ZFPM1: variants seen among roughly 807,000 people sequenced by gnomAD.
ZFPM1 encodes the protein zinc finger protein, FOG family member 1.
A neutral mutation model predicts 46.3 loss-of-function variants in ZFPM1; 28 were observed. That is an observed-to-expected ratio of 0.60 (90% confidence interval 0.45 to 0.83). The LOEUF (loss-of-function observed/expected upper bound fraction) is 0.83, where lower values mean the gene tolerates loss of function less well. Among genes scored for constraint, ZFPM1 ranks in the 40% least tolerant of loss-of-function variants. The probability of loss-of-function intolerance (pLI) is 0.00; values close to 1 mark genes in which losing one functional copy is unlikely to be tolerated. For synonymous variants in ZFPM1, 957 were observed against 675.9 expected, an observed-to-expected ratio of 1.42 and a Z score of -6.45; for missense variants, 1,878 against 1,432.4, an observed-to-expected ratio of 1.31 and a Z score of -5.02.
In ZFPM1 at chr16:88,534,033, T is replaced by A; in HGVS notation, c.2075T>A (p.Phe692Tyr). 7.6e-7 allele frequency: 1 copy of A among 1,317,876 alleles called. No individual in the cohort carries two copies. Among genetic ancestry groups the A allele is most frequent in the Non-Finnish European group, 9.8e-7 (1 of 1,018,320 alleles). The allele number at this position is 1,317,876 out of a possible 1,614,324, so 81.6% of individuals were successfully genotyped here. Residue 692 changes from phenylalanine (F) to tyrosine (Y), a missense_variant, in exon 10 of 10, where the codon TTC becomes TAC. Phe to Tyr is a conservative substitution (Grantham distance 22). Coordinates refer to ENST00000319555, the MANE Select transcript of ZFPM1 (RefSeq NM_153813.3). Reference sequence around the variant, plus strand: ...CTGTGCGAGGCCTGCAACATCCGCTTCAGCCGCCACGAGACCTACACCGTG... The same window carrying A: ...CTGTGCGAGGCCTGCAACATCCGCTACAGCCGCCACGAGACCTACACCGTG... ...RTLCEACNIR[F>Y]SRHETYTVHK... is the part of the protein sequence containing the mutation.
intron 3 of ZFPM1, among the ~76,000 whole-genome samples, chr16:88,493,108 TGTCCCGGGGTGG>T (rs1390357578): frequency 9.9e-6 from 1 of 100,520 alleles, no homozygotes; most frequent in African/African-American, 3.5e-5. Context: ...TGCGGGGAGC[TGTCCCGGGGTGG>T]GGGGAGCTGT....
rs559258318 is a variant in ZFPM1 at position 88,506,487 on chromosome 16, G to A, written c.269-7900G>A. The stretch of plus-strand genomic sequence containing the variant: ...GCACACAATAACACAGAATAATCCA[G>A]AAAGGACTGAATGGGGGCGGGCGGG... On this transcript the variant is annotated intron_variant, in intron 3 of 9. Coordinates refer to ENST00000319555, the MANE Select transcript of ZFPM1 (RefSeq NM_153813.3). 4.0e-5 allele frequency among the ~76,000 whole-genome samples: 5 copies of A among 124,102 alleles called. No homozygotes were observed. The East Asian group carries it at 1.4e-3, about 36-fold the overall frequency. The allele number at this position is 124,102 out of a possible 152,430, so 81.4% of individuals were successfully genotyped here.
chr16:88,533,607 T>C lies in ZFPM1; in HGVS notation c.1649T>C (p.Val550Ala). 1 of 1,487,544 alleles carries C rather than the reference T, an allele frequency of 6.7e-7. No individual in the cohort carries two copies. Among genetic ancestry groups the C allele is most frequent in the Non-Finnish European group, 8.9e-7 (1 of 1,118,162 alleles). The allele number at this position is 1,487,544 out of a possible 1,614,324, so 92.1% of individuals were successfully genotyped here. ...SEILAKMSEL[V>A]HSRLQQGAGA... The stretch of plus-strand genomic sequence containing the variant: ...ATCCTGGCCAAGATGTCCGAGCTGG[T>C]GCACAGCCGGCTGCAGCAGGGCGCG... Residue 550 changes from valine (V) to alanine (A), a missense_variant, in exon 10 of 10, where the codon GTG becomes GCG. Physicochemically the swap from Val to Ala is moderately conservative, Grantham distance 64. Transcript: ENST00000319555.
In ZFPM1 at chr16:88,535,722, G is replaced by A. The variant is rs1913221540; in HGVS notation, c.*743G>A. The A allele has an allele frequency of 6.6e-6, 1 of 152,424 alleles. No homozygotes were observed. The highest frequency in any genetic ancestry group is 6.5e-5 in the Admixed American group (1 of 15,284). The allele number at this position is 152,424 out of a possible 1,614,324, so 9.4% of individuals were successfully genotyped here. A position where few individuals can be genotyped will look rare whatever the true frequency, so the allele number is the denominator to read the frequency against. On this transcript the variant is annotated 3_prime_UTR_variant, in exon 10 of 10. Transcript: ENST00000319555. The stretch of plus-strand genomic sequence containing the variant: ...GGTGCATCTCTCCCTCAGAGCCAGG[G>A]CTGAGGACAACCGTGTGGTGGAGTC...
intron 2 of ZFPM1, among the ~76,000 whole-genome samples, chr16:88,487,120 G>T (rs1249132499): frequency 6.6e-6 from 1 of 152,200 alleles, no homozygotes; most frequent in Non-Finnish European, 1.5e-5. Context: ...CCTGCCATAA[G>T]GAGGCCTGCT....
rs118181214 is a variant in ZFPM1, at chr16:88,454,059, C to T, written c.40+381C>T. 7.2e-3 allele frequency among the ~76,000 whole-genome samples: 1,096 copies of T among 152,364 alleles called. 8 individuals are homozygous for T. Among genetic ancestry groups the T allele is most frequent in the Non-Finnish European group, 0.011 (769 of 68,024 alleles). The stretch of plus-strand genomic sequence containing the variant: ...TTAAAATATTACATTCTGCAAGTCC[C>T]GTCCTGATAAGATCGTTCTGTCGGG... On this transcript the variant is annotated intron_variant, in intron 1 of 9. Coordinates refer to ENST00000319555, the MANE Select transcript of ZFPM1 (RefSeq NM_153813.3).
At position 88,533,260 on chromosome 16, in the gene ZFPM1, C is replaced by G; in HGVS notation, c.1302C>G (p.Ala434=). The change falls in exon 10 of 10, where the codon GCC becomes GCG. Residue 434 remains alanine, a synonymous_variant. Coordinates refer to ENST00000319555, the MANE Select transcript of ZFPM1 (RefSeq NM_153813.3). ...PSPGLDRKAL[A]EATNGEARAE... Reference sequence around the variant, plus strand: ...CAGGACTGGACAGAAAGGCCCTGGCCGAGGCCACCAACGGAGAGGCCAGAG... The same window carrying G: ...CAGGACTGGACAGAAAGGCCCTGGCGGAGGCCACCAACGGAGAGGCCAGAG... 1.3e-6 allele frequency: 2 copies of G among 1,548,988 alleles called. No homozygotes were observed. The highest frequency in any genetic ancestry group is 1.7e-6 in the Non-Finnish European group (2 of 1,154,938).
intron 3 of ZFPM1, among the ~76,000 whole-genome samples, chr16:88,491,084 A>AGGTGCTGGTGCCTTCGGGGCTCTCG (rs1567536507): frequency 6.7e-6 from 1 of 149,298 alleles, no homozygotes; most frequent in African/African-American, 2.5e-5. Context: ...CGCGGGTCCC[A>AGGTGCTGGTGCCTTCGGGGCTCTCG]GTCAGGCGCT....
At chr16:88,486,728 C>T (rs1419377270) in intron 2 of ZFPM1, among the ~76,000 whole-genome samples, 1 of 148,514 alleles carries the variant, frequency 6.7e-6, no homozygotes, top group Admixed American at 6.7e-5. Flanking sequence ...ACAGTGGATG[C>T]TGGGTGCACA....
chr16:88,536,122 G>T lies in ZFPM1; in HGVS notation c.*1143G>T, dbSNP rs1913236593. On this transcript the variant is annotated 3_prime_UTR_variant, in exon 10 of 10. Coordinates refer to ENST00000319555, the MANE Select transcript of ZFPM1 (RefSeq NM_153813.3). ...AGGTGTACACCACCATGCCCAGCTA[G>T]TTTTTGTGTTTTTTGTAGAAATGGT... The T allele has an allele frequency of 6.6e-6, 1 of 152,018 alleles. No individual in the cohort carries two copies. The highest frequency in any genetic ancestry group is 6.5e-5 in the Admixed American group (1 of 15,270). 9.4% of individuals were successfully genotyped at this position (152,018 alleles called of 1,614,324 possible). A position where few individuals can be genotyped will look rare whatever the true frequency, so the allele number is the denominator to read the frequency against.
chr16:88,501,755 G>A (rs1910352318), intron 3 of ZFPM1, among the ~76,000 whole-genome samples: 2 of 147,230 alleles, frequency 1.4e-5, no homozygotes, highest in African/African-American at 5.4e-5. Context: ...CCCTCCCGCT[G>A]GTGCTGATGA....
At chr16:88,467,140 C>T (rs1335764247) in intron 1 of ZFPM1, among the ~76,000 whole-genome samples, 2 of 152,150 alleles carry the variant, frequency 1.3e-5, no homozygotes, top group African/African-American at 2.4e-5. Context: ...CACCTAGGGC[C>T]TCGTCCCATC....
chr16:88,527,395 C>T (rs1185060984), intron 5 of ZFPM1, among the ~76,000 whole-genome samples: 2 of 152,148 alleles, frequency 1.3e-5, no homozygotes, highest in African/African-American at 4.8e-5. Context: ...GAGGGTGGCA[C>T]GTCTGGGTGG....
chr16:88,473,975 C>T (rs1218626732), intron 1 of ZFPM1, among the ~76,000 whole-genome samples: 1 of 152,144 alleles, frequency 6.6e-6, no homozygotes, highest in Non-Finnish European at 1.5e-5. Flanking sequence ...CTATCAGTGG[C>T]TATCAGGCCC....
chr16:88,482,433 G>A (rs1183035263), intron 1 of ZFPM1, among the ~76,000 whole-genome samples: 1 of 152,170 alleles, frequency 6.6e-6, no homozygotes, highest in African/African-American at 2.4e-5. Flanking sequence ...AATTGTGCTG[G>A]AACTGAAATT....
rs1174094102 is a variant in ZFPM1, at chr16:88,534,262, G to T, written c.2304G>T (p.Ser768=). The change falls in exon 10 of 10, where the codon TCG becomes TCT. Residue 768 remains serine (S), a synonymous_variant. Coordinates refer to ENST00000319555, the MANE Select transcript of ZFPM1 (RefSeq NM_153813.3). ...PPPGHAPAPE[S]PRPGSGSGSG... ...CCGGCCACGCCCCCGCGCCCGAGTC[G>T]CCGCGGCCCGGAAGCGGAAGCGGAA... 2.8e-6 allele frequency: 3 copies of T among 1,073,898 alleles called. No homozygotes were observed. Among genetic ancestry groups the T allele is most frequent in the Middle Eastern group, 4.2e-4 (1 of 2,406 alleles). The allele number at this position is 1,073,898 out of a possible 1,614,324, so 66.5% of individuals were successfully genotyped here.
At chr16:88,487,518 G>T (rs571599496) in intron 2 of ZFPM1, among the ~76,000 whole-genome samples, 3 of 152,280 alleles carry the variant, frequency 2.0e-5, no homozygotes, top group East Asian at 3.9e-4. Flanking sequence ...AGGTCCAAAG[G>T]CTCCAAGGCC....
intron 1 of ZFPM1, among the ~76,000 whole-genome samples, chr16:88,485,008 T>C (rs1446350929): frequency 6.6e-6 from 1 of 152,168 alleles, no homozygotes; most frequent in Non-Finnish European, 1.5e-5. Context: ...CCCTGCTTGG[T>C]TTGTTCGCTC....
At chr16:88,473,515 C>CG (rs1265246270) in intron 1 of ZFPM1, among the ~76,000 whole-genome samples, 1 of 152,182 alleles carries the variant, frequency 6.6e-6, no homozygotes, top group African/African-American at 2.4e-5. Context: ...CCCGCTGCCC[C>CG]GGGGTCTGGG....
Sources: gnomAD v4.1 joint callset for allele counts (sites outside exome capture counted in the v4.1 genomes callset) on GRCh38, gnomAD v4.1.1 for gene constraint, MANE v1.5 for transcripts, NCBI Gene and HGNC (gene_info 2026-07-23, HGNC 2026-07-21) for gene names.